The following PLEKHM1 variants were observed in gnomAD, a reference collection of about 807,000 sequenced individuals.
PLEKHM1 encodes the protein pleckstrin homology domain-containing family M member 1.
In PLEKHM1, 28 loss-of-function variants were observed where a neutral mutation model predicts 94.3. The observed-to-expected ratio is 0.30, with a 90% CI of 0.22 to 0.41. PLEKHM1 has a LOEUF of 0.41. Among genes scored for constraint, PLEKHM1 ranks in the 10% least tolerant of loss-of-function variants. The pLI, the probability that PLEKHM1 is intolerant of heterozygous loss-of-function variation, is 1.00. For synonymous variants in PLEKHM1, 424 were observed against 581.2 expected (o/e 0.73, Z 3.89); for missense variants, 907 against 1,358.6 (o/e 0.67, Z 5.22).
intron 5 of PLEKHM1, among the ~76,000 whole-genome samples, chr17:45,466,448 G>A (rs1486365469): frequency 2.0e-5 from 3 of 152,068 alleles, no homozygotes; most frequent in Non-Finnish European, 2.9e-5. Flanking sequence ...CTATTAGGAG[G>A]TTTAAAAGTC....
intron 2 of PLEKHM1, among the ~76,000 whole-genome samples, chr17:45,478,720 T>G (rs1201289333): frequency 6.6e-6 from 1 of 152,092 alleles, no homozygotes; most frequent in East Asian, 1.9e-4. Flanking sequence ...ATCCCAGAAC[T>G]TTGGGAGGTC....
intron 3 of PLEKHM1, among the ~76,000 whole-genome samples, chr17:45,476,265 A>T (rs988984777): frequency 4.0e-5 from 6 of 151,126 alleles, no homozygotes; most frequent in African/African-American, 1.5e-4. Context: ...TCCAACTACC[A>T]CGGGGCCCCT....
chr17:45,455,805 G>A (rs1288924096), intron 6 of PLEKHM1, among the ~76,000 whole-genome samples: 2 of 152,072 alleles, frequency 1.3e-5, no homozygotes, highest in South Asian at 2.1e-4. Flanking sequence ...GTCCCTCAGC[G>A]TAGGAGCCAT....
At chr17:45,478,428 A>C (rs1253561547) in intron 2 of PLEKHM1, among the ~76,000 whole-genome samples, 1 of 152,112 alleles carries the variant, frequency 6.6e-6, no homozygotes, top group Admixed American at 6.5e-5. Context: ...TGTTTTTTAG[A>C]CCAAACTTAA....
rs761027082 is a variant in PLEKHM1, at chr17:45,440,184, G to A, written c.2880C>T (p.Phe960=). Residue 960 remains phenylalanine, a synonymous_variant, in exon 10 of 12, where the codon TTC becomes TTT. Coordinates refer to ENST00000430334, the MANE Select transcript of PLEKHM1 (RefSeq NM_014798.3). ...TTACCTGTTGGAGGTCAGCAACACT[G>A]AACCTATGCGGAGATTCCAAGAGAT... The part of the protein sequence containing the change: ...RNYLLESPHR[F]SVADLQQIAD... 1.9e-6 allele frequency: 3 copies of A among 1,614,042 alleles called. No homozygotes were observed. Among genetic ancestry groups the A allele is most frequent in the South Asian group, 1.1e-5 (1 of 91,082 alleles).
rs1208099232 is a variant in PLEKHM1, at chr17:45,437,617, CAG to C, written c.*239_*240del. 3.0e-6 allele frequency: 2 copies of C among 669,984 alleles called. No individual in the cohort carries two copies. The highest frequency in any genetic ancestry group is 5.5e-6 in the Non-Finnish European group (2 of 365,990). 41.5% of individuals were successfully genotyped at this position (669,984 alleles called of 1,614,324 possible). On this transcript the variant is annotated 3_prime_UTR_variant, in exon 12 of 12. Coordinates refer to ENST00000430334, the MANE Select transcript of PLEKHM1 (RefSeq NM_014798.3). The surrounding 1 kb of genome is among the most constrained non-coding windows in gnomAD (Gnocchi z 4.0). ...AGTAAACGGCCCTGCCTGCCCCAGA[CAG>C]GGAGCATCTGGTGGTGGCCACGCCT...
rs1250335580 is a variant in PLEKHM1 at position 45,436,585 on chromosome 17, G to C, written c.*1273C>G. ...GCTAGGTCCAGGAGAGGTGGGGGAA[G>C]GCGACAGAGAGACCAGCAAACCCAC... On this transcript the variant is annotated 3_prime_UTR_variant, in exon 12 of 12. Coordinates refer to ENST00000430334, the MANE Select transcript of PLEKHM1 (RefSeq NM_014798.3). 1.1e-5 allele frequency: 5 copies of C among 453,178 alleles called. No individual in the cohort carries two copies. Among genetic ancestry groups the C allele is most frequent in the Non-Finnish European group, 2.2e-5 (5 of 226,112 alleles). 28.1% of individuals were successfully genotyped at this position (453,178 alleles called of 1,614,324 possible).
chr17:45,479,128 C>G (rs1471440973), intron 2 of PLEKHM1, among the ~76,000 whole-genome samples: 4 of 151,666 alleles, frequency 2.6e-5, no homozygotes, highest in Admixed American at 1.3e-4. Context: ...AATCCCAACA[C>G]TTTGGGAGGC....
rs2050537541 is a variant in PLEKHM1 at position 45,444,399 on chromosome 17, G to A, written c.2837+1071C>T. Among the ~76,000 whole-genome samples, 1 of 152,186 alleles carries A rather than the reference G, an allele frequency of 6.6e-6. No individual in the cohort carries two copies. The highest frequency in any genetic ancestry group is 1.5e-5 in the Non-Finnish European group (1 of 68,020). On this transcript the variant is annotated intron_variant, in intron 9 of 11. Coordinates refer to ENST00000430334, the MANE Select transcript of PLEKHM1 (RefSeq NM_014798.3). This position sits in a 1 kb window ranked among gnomAD's most constrained non-coding sequence, Gnocchi z 5.0. ...TTATGACAGGCATGGAGAGGCCTAAGTCCCTGTTGAAGCCCAGCATCACAT... is the reference window on the plus strand; with the variant it reads ...TTATGACAGGCATGGAGAGGCCTAAATCCCTGTTGAAGCCCAGCATCACAT...
intron 2 of PLEKHM1, among the ~76,000 whole-genome samples, chr17:45,480,171 T>C (rs1254186316): frequency 6.6e-6 from 1 of 152,184 alleles, no homozygotes; most frequent in African/African-American, 2.4e-5. Flanking sequence ...TGTGCAACCA[T>C]CACCACTACC....
At chr17:45,473,998 T>TA (rs1373888739) in intron 4 of PLEKHM1, among the ~76,000 whole-genome samples, 1 of 151,924 alleles carries the variant, frequency 6.6e-6, no homozygotes, top group African/African-American at 2.4e-5. Flanking sequence ...ACTGTATATG[T>TA]TTTAGATTTT....
chr17:45,453,315 A>C lies in PLEKHM1; in HGVS notation c.2497+40T>G. The C allele has an allele frequency of 1.3e-6, 2 of 1,595,300 alleles. No homozygotes were observed. Among genetic ancestry groups the C allele is most frequent in the Non-Finnish European group, 8.5e-7 (1 of 1,170,468 alleles). Reference sequence around the variant, plus strand: ...TCAGGAACCAGCAGGAGGTGGAGTGAGGCTGGCAGGCTGGGGGTGGCAGCA... The same window carrying C: ...TCAGGAACCAGCAGGAGGTGGAGTGCGGCTGGCAGGCTGGGGGTGGCAGCA... On this transcript the variant is annotated intron_variant, in intron 7 of 11. Transcript: ENST00000430334. This position sits in a 1 kb window ranked among gnomAD's most constrained non-coding sequence, Gnocchi z 4.1.
rs1454186167 is a variant in PLEKHM1 at position 45,458,252 on chromosome 17, A to G, written c.1496T>C (p.Val499Ala). ...CSLGALDQAC[V>A]PSPGRRQAQA... The stretch of plus-strand genomic sequence containing the variant: ...GGCTTGCCTTCTTCCTGGGGAAGGT[A>G]CACACGCTTGGTCTAACGCCCCCAG... Residue 499 changes from valine to alanine, a missense_variant, in exon 6 of 12, where the codon GTA becomes GCA. Transcript: ENST00000430334. The G allele has an allele frequency of 3.7e-6, 6 of 1,611,832 alleles. No individual in the cohort carries two copies. Among genetic ancestry groups the G allele is most frequent in the Non-Finnish European group, 5.1e-6 (6 of 1,178,854 alleles).
intron 9 of PLEKHM1, chr17:45,440,797 A>G (rs1207809064): frequency 5.3e-6 from 1 of 188,312 alleles, no homozygotes; most frequent in African/African-American, 2.3e-5. Flanking sequence ...GCAAATGCCT[A>G]GAGATGCAGG....
intron 9 of PLEKHM1, 197 bp from the exon 10 acceptor site, chr17:45,440,423 T>G: frequency 1.5e-6 from 1 of 655,618 alleles, no homozygotes; most frequent in Non-Finnish European, 2.8e-6. Context: ...GGTGGGACCT[T>G]GGGCACGTTA....
Position 45,437,335 on chromosome 17 carries a change from C to G in PLEKHM1, c.*523G>C. 1 of 454,106 alleles carries G rather than the reference C, an allele frequency of 2.2e-6. No homozygotes were observed. Among genetic ancestry groups the G allele is most frequent in the South Asian group, 1.6e-5 (1 of 64,482 alleles). The allele number at this position is 454,106 out of a possible 1,614,324, so 28.1% of individuals were successfully genotyped here. A position where few individuals can be genotyped will look rare whatever the true frequency, so the allele number is the denominator to read the frequency against. Reference sequence around the variant, plus strand: ...AGCAGTGGCCTGCCCACCAGCCACCCGCTACCTCTAAGCCAGGCCTGAGTG... The same window carrying G: ...AGCAGTGGCCTGCCCACCAGCCACCGGCTACCTCTAAGCCAGGCCTGAGTG... On this transcript the variant is annotated 3_prime_UTR_variant, in exon 12 of 12. Transcript: ENST00000430334. The surrounding 1 kb of genome is among the most constrained non-coding windows in gnomAD (Gnocchi z 4.0).
chr17:45,489,005 G>T (rs538297921), intron 1 of PLEKHM1, among the ~76,000 whole-genome samples: 1 of 152,262 alleles, frequency 6.6e-6, no homozygotes, highest in African/African-American at 2.4e-5. Context: ...CGGGTCCTCA[G>T]GATTCAGAGA....
At chr17:45,435,828 G>T (rs1597898827), downstream of PLEKHM1, 1 of 401,290 alleles carries the variant, frequency 2.5e-6, no homozygotes, top group East Asian at 7.1e-5. Flanking sequence ...AGGGGACCCT[G>T]ACAGATGGTA....
intron 8 of PLEKHM1, among the ~76,000 whole-genome samples, chr17:45,450,311 TTATC>T (rs371356702): frequency 1.3e-5 from 2 of 152,234 alleles, no homozygotes; most frequent in Non-Finnish European, 2.9e-5. Context: ...CAAATCTATT[TTATC>T]TATCTATCTA....
Sources: gnomAD v4.1 joint callset for allele counts (sites outside exome capture counted in the v4.1 genomes callset) on GRCh38, gnomAD v4.1.1 for gene constraint, Gnocchi (gnomAD v3.1) non-coding constraint, MANE v1.5 for transcripts, NCBI Gene and HGNC (gene_info 2026-07-23, HGNC 2026-07-21) for gene names.